The following DTD1 variants were observed in gnomAD, a reference collection of about 807,000 sequenced individuals.
The protein encoded by DTD1 is D-aminoacyl-tRNA deacylase 1.
Under a neutral mutation model 25.6 loss-of-function variants are expected in DTD1, and 13 were observed. That is an observed-to-expected ratio of 0.51 (90% confidence interval 0.33 to 0.81). DTD1 has a LOEUF of 0.81. Among genes scored for constraint, DTD1 ranks in the 30% least tolerant of loss-of-function variants. DTD1 has a pLI of 0.02. For synonymous variants in DTD1, 110 were observed against 103.6 expected, an observed-to-expected ratio of 1.06 and a Z score of -0.37; for missense variants, 193 against 266.4, an observed-to-expected ratio of 0.72 and a Z score of 1.92.
intron 4 of DTD1, among the ~76,000 whole-genome samples, chr20:18,712,300 T>A (rs956995896): frequency 6.7e-6 from 1 of 150,154 alleles, no homozygotes; most frequent in Non-Finnish European, 1.5e-5. Context: ...AAGAATAAGC[T>A]CATAAACATT....
intron 4 of DTD1, chr20:18,675,486 G>A (rs904109845): frequency 2.0e-5 from 3 of 152,018 alleles, no homozygotes; most frequent in Admixed American, 2.0e-4. Context: ...CCATTCTTGA[G>A]TTATATTCTA....
chr20:18,689,447 G>A (rs562515457), intron 4 of DTD1, among the ~76,000 whole-genome samples: 39 of 152,232 alleles, frequency 2.6e-4, no homozygotes, highest in Non-Finnish European at 3.5e-4. Flanking sequence ...AATATACACC[G>A]GTTTCTTGTT....
intron 4 of DTD1, among the ~76,000 whole-genome samples, chr20:18,678,386 T>C (rs1361559016): frequency 6.6e-6 from 1 of 152,224 alleles, no homozygotes; most frequent in Non-Finnish European, 1.5e-5. Context: ...CAGAAATTGT[T>C]CTTCATATGA....
chr20:18,649,741 G>T (rs559256597), intron 4 of DTD1, among the ~76,000 whole-genome samples: 7 of 152,294 alleles, frequency 4.6e-5, no homozygotes, highest in Middle Eastern at 3.4e-3. Context: ...AATGTGAGTT[G>T]AGTGTCGCTG....
chr20:18,711,230 C>A (rs746944624), intron 4 of DTD1, among the ~76,000 whole-genome samples: 2 of 152,154 alleles, frequency 1.3e-5, no homozygotes, highest in Non-Finnish European at 2.9e-5. Context: ...CTGGATGCTC[C>A]AGGGGCCTTC....
intron 4 of DTD1, among the ~76,000 whole-genome samples, chr20:18,676,789 G>A (rs183765239): frequency 6.6e-6 from 1 of 152,228 alleles, no homozygotes; most frequent in African/African-American, 2.4e-5. Context: ...GTTAACTTAC[G>A]GCTCAGTGAC....
chr20:18,701,637 C>G (rs1441735937), intron 4 of DTD1, among the ~76,000 whole-genome samples: 1 of 152,096 alleles, frequency 6.6e-6, no homozygotes, highest in Admixed American at 6.5e-5. Flanking sequence ...CTTTCAGTGT[C>G]GGGGAGAGCA....
In DTD1 at chr20:18,748,628, G is replaced by A. The variant is rs117198008; in HGVS notation, c.*19+4357G>A. The stretch of plus-strand genomic sequence containing the variant: ...TGTCACAGAACATACAGGAGAACAC[G>A]CTCATAGAAGGAGAACTGAGCACAT... On this transcript the variant is annotated intron_variant, in intron 5 of 5. Coordinates refer to ENST00000377452, the MANE Select transcript of DTD1 (RefSeq NM_080820.6). Among the ~76,000 whole-genome samples the A allele has an allele frequency of 8.2e-3, 1,250 of 152,246 alleles. 9 individuals carry two copies. The highest frequency in any genetic ancestry group is 0.013 in the Non-Finnish European group (852 of 68,020).
chr20:18,716,322 C>G (rs1044760699), intron 4 of DTD1, among the ~76,000 whole-genome samples: 1 of 152,242 alleles, frequency 6.6e-6, no homozygotes, highest in Non-Finnish European at 1.5e-5. Context: ...GGAACTCAAG[C>G]TCCACAGTGT....
intron 5 of DTD1, among the ~76,000 whole-genome samples, chr20:18,757,487 G>A (rs1390875032): frequency 6.6e-6 from 1 of 152,204 alleles, no homozygotes; most frequent in East Asian, 1.9e-4. Flanking sequence ...ATGAAGTGCT[G>A]TTGAATTTTG....
intron 4 of DTD1, among the ~76,000 whole-genome samples, chr20:18,704,356 G>A (rs2061117634): frequency 6.6e-6 from 1 of 152,154 alleles, no homozygotes; most frequent in Non-Finnish European, 1.5e-5. Context: ...TCCTGAGCAG[G>A]AGGGTAGCTG....
Position 18,744,100 on chromosome 20 carries a change from C to T in DTD1, c.478C>T (p.Leu160=). ...PGTATSDPKQ[L]SKLEKQQQRK... ...TTCTTTTTTATTTTTATTTAATCAG[C>T]TGTCAAAGCTCGAAAAACAGCAGCA... The change falls in exon 5 of 6, where the codon CTG becomes TTG. Residue 160 remains leucine (L), a splice_region_variant and synonymous_variant. Coordinates refer to ENST00000377452, the MANE Select transcript of DTD1 (RefSeq NM_080820.6). The T allele has an allele frequency of 6.2e-7, 1 of 1,600,630 alleles. No homozygotes were observed. Among genetic ancestry groups the T allele is most frequent in the Non-Finnish European group, 8.5e-7 (1 of 1,174,756 alleles).
chr20:18,688,343 G>C (rs554165594), intron 4 of DTD1, among the ~76,000 whole-genome samples: 1 of 152,296 alleles, frequency 6.6e-6, no homozygotes, highest in African/African-American at 2.4e-5. Context: ...CTACAAATAA[G>C]TATTAATTAT....
chr20:18,596,064 A>G lies in DTD1; in HGVS notation c.193A>G (p.Lys65Glu). 6.2e-7 allele frequency: 1 copy of G among 1,614,168 alleles called. No homozygotes were observed. Among genetic ancestry groups the G allele is most frequent in the Non-Finnish European group, 8.5e-7 (1 of 1,180,034 alleles). ...FEDESGKHWSKSVMDKQYEIL... is the reference protein window; with the variant it reads ...FEDESGKHWSESVMDKQYEIL... The stretch of plus-strand genomic sequence containing the variant: ...GGATGAGAGTGGGAAGCACTGGTCG[A>G]AGAGTGTGATGGACAAACAGTACGA... The change falls in exon 3 of 6, where the codon AAG (lysine) becomes GAG (glutamate). Residue 65 changes from lysine to glutamate, a missense_variant. Lys to Glu is a moderately conservative substitution (Grantham distance 56). Coordinates refer to ENST00000377452, the MANE Select transcript of DTD1 (RefSeq NM_080820.6).
At chr20:18,630,311 A>C (rs1448917006) in intron 4 of DTD1, 1 of 152,080 alleles carries the variant, frequency 6.6e-6, no homozygotes, top group Admixed American at 6.6e-5. Context: ...ATATAGTACT[A>C]TTATATTAAC....
intron 5 of DTD1, among the ~76,000 whole-genome samples, chr20:18,752,768 T>C (rs987338278): frequency 1.3e-5 from 2 of 152,174 alleles, no homozygotes; most frequent in Non-Finnish European, 2.9e-5. Context: ...TTAAGTAATA[T>C]CTATTCAAAT....
intron 5 of DTD1, among the ~76,000 whole-genome samples, chr20:18,760,923 C>A (rs2122543655): frequency 6.6e-6 from 1 of 152,310 alleles, no homozygotes; most frequent in Admixed American, 6.5e-5. Context: ...CCTACTCAAG[C>A]CTCGGCAATG....
chr20:18,621,157 T>C (rs1183282113), intron 3 of DTD1, among the ~76,000 whole-genome samples: 1 of 152,230 alleles, frequency 6.6e-6, no homozygotes, highest in African/African-American at 2.4e-5. Context: ...TCTCCCAGTA[T>C]GTGGTGATTA....
At chr20:18,695,799 T>C (rs1201121258) in intron 4 of DTD1, among the ~76,000 whole-genome samples, 1 of 151,286 alleles carries the variant, frequency 6.6e-6, no homozygotes, top group Admixed American at 6.6e-5. Flanking sequence ...GCCTCCCAAG[T>C]TGTTGGGACT....
Sources: allele counts gnomAD v4.1 joint callset (sites outside exome capture counted in the v4.1 genomes callset), GRCh38; gene constraint gnomAD v4.1.1; transcripts MANE v1.5; gene names NCBI Gene and HGNC (gene_info 2026-07-23, HGNC 2026-07-21).